The following CCDC7 variants were observed in gnomAD, a reference collection of about 807,000 sequenced individuals.
CCDC7 encodes coiled-coil domain-containing protein 7.
Under a neutral mutation model 196.9 loss-of-function variants are expected in CCDC7, and 183 were observed. The observed-to-expected ratio is 0.93, with a 90% CI of 0.82 to 1.05. The LOEUF (loss-of-function observed/expected upper bound fraction) is 1.05, where lower values mean the gene tolerates loss of function less well. Ranked by LOEUF, CCDC7 falls within the 50% of genes least tolerant of loss-of-function variation. The pLI, the probability that CCDC7 is intolerant of heterozygous loss-of-function variation, is 0.00. For missense variants in CCDC7, 1,540 were observed against 1,482.2 expected, an observed-to-expected ratio of 1.04 and a Z score of -0.64; for synonymous variants, 525 against 484.6, an observed-to-expected ratio of 1.08 and a Z score of -1.10.
At chr10:32,636,554 G>A (rs1310733022) in intron 20 of CCDC7, among the ~76,000 whole-genome samples, 4 of 152,170 alleles carry the variant, frequency 2.6e-5, no homozygotes, top group Non-Finnish European at 4.4e-5. Context: ...TAAAGGACAT[G>A]AACTCATCCT....
At chr10:32,610,178 C>T (rs2061953533) in intron 18 of CCDC7, among the ~76,000 whole-genome samples, 1 of 152,110 alleles carries the variant, frequency 6.6e-6, no homozygotes, top group African/African-American at 2.4e-5. Context: ...GATCTCGGCT[C>T]ACTGCAAGCT....
chr10:32,464,496 G>GTGTT (rs33997704), intron 5 of CCDC7, among the ~76,000 whole-genome samples: 58,465 of 151,356 alleles, frequency 0.39, 13,822 homozygotes, highest in Non-Finnish European at 0.54. Context: ...TCAAGACTTT[G>GTGTT]TGTTTGTTTG....
intron 9 of CCDC7, among the ~76,000 whole-genome samples, chr10:32,507,146 C>T (rs1039147268): frequency 6.6e-6 from 1 of 152,008 alleles, no homozygotes; most frequent in African/African-American, 2.4e-5. Context: ...GTGCGCGCCA[C>T]CACACCCAGC....
chr10:32,501,225 C>A (rs1374708786), intron 9 of CCDC7, among the ~76,000 whole-genome samples: 1 of 151,956 alleles, frequency 6.6e-6, no homozygotes, highest in Non-Finnish European at 1.5e-5. Flanking sequence ...TTTTTCAGCT[C>A]CATCAGGTCA....
intron 29 of CCDC7, among the ~76,000 whole-genome samples, chr10:32,788,677 A>G (rs2082231922): frequency 6.6e-6 from 1 of 152,114 alleles, no homozygotes; most frequent in African/African-American, 2.4e-5. Flanking sequence ...GCACCAATCC[A>G]TCTCCATGGA....
chr10:32,586,141 T>C (rs1216848054), intron 18 of CCDC7, among the ~76,000 whole-genome samples: 1 of 152,240 alleles, frequency 6.6e-6, no homozygotes, highest in East Asian at 1.9e-4. Context: ...ATGAGCTTTT[T>C]TCATATGTTT....
At chr10:32,474,836 T>C (rs764274498) in intron 8 of CCDC7, among the ~76,000 whole-genome samples, 12 of 152,304 alleles carry the variant, frequency 7.9e-5, no homozygotes, top group Non-Finnish European at 1.5e-4. Context: ...GAAATAATAG[T>C]GTAAAGCACA....
chr10:32,511,253 G>GT lies in CCDC7; in HGVS notation c.873-6691dup, dbSNP rs1233756645. On this transcript the variant is annotated intron_variant, in intron 9 of 41. Transcript: ENST00000639629. ...CCTTGTCCTGCCACAGAATTATTCT[G>GT]TGGGGGGCGGGGGGGGCGGGGAAAT... 3.3e-4 allele frequency: 229 copies of GT among 700,018 alleles called. 5 individuals are homozygous for GT. In the African/African-American group the frequency reaches 4.8e-3, roughly 15 times the overall value. 43.4% of individuals were successfully genotyped at this position (700,018 alleles called of 1,614,324 possible).
At chr10:32,544,518 C>A in intron 13 of CCDC7, 1 of 341,878 alleles carries the variant, frequency 2.9e-6, no homozygotes, top group Non-Finnish European at 5.3e-6. Context: ...AATGTCAAAC[C>A]CAGGCATATT....
At chr10:32,682,577 T>C (rs1363517091) in intron 21 of CCDC7, among the ~76,000 whole-genome samples, 2 of 152,196 alleles carry the variant, frequency 1.3e-5, no homozygotes, top group African/African-American at 4.8e-5. Context: ...CCAAACTGTT[T>C]TCCACAGTGG....
At chr10:32,461,597 T>G (rs1392820299) in intron 3 of CCDC7, among the ~76,000 whole-genome samples, 1 of 151,068 alleles carries the variant, frequency 6.6e-6, no homozygotes, top group Non-Finnish European at 1.5e-5. Flanking sequence ...AAGATAGTGT[T>G]GGGAAGGTGA....
chr10:32,710,420 T>C (rs1451100514), intron 24 of CCDC7, among the ~76,000 whole-genome samples: 1 of 152,216 alleles, frequency 6.6e-6, no homozygotes, highest in Non-Finnish European at 1.5e-5. Context: ...CAGGGGACAA[T>C]AGCAGTGGCC....
chr10:32,847,872 G>A (rs1412934598), exon 38 of CCDC7: 1 of 1,611,278 alleles, frequency 6.2e-7, no homozygotes, highest in African/African-American at 1.3e-5. Flanking sequence ...ATTGGTTCAA[G>A]TAAAACAATT....
intron 21 of CCDC7, among the ~76,000 whole-genome samples, chr10:32,685,459 A>G (rs11818059): frequency 6.6e-6 from 1 of 152,108 alleles, no homozygotes; most frequent in Admixed American, 6.6e-5. Context: ...TCTAGTGATA[A>G]GCAGAAAAGA....
intron 30 of CCDC7, among the ~76,000 whole-genome samples, chr10:32,809,576 CA>C (rs1284980214): frequency 6.6e-6 from 1 of 152,106 alleles, no homozygotes; most frequent in Non-Finnish European, 1.5e-5. Flanking sequence ...AGGATATGAA[CA>C]GACACTTTTT....
At chr10:32,609,541 C>T (rs2061877160) in intron 18 of CCDC7, among the ~76,000 whole-genome samples, 1 of 150,246 alleles carries the variant, frequency 6.7e-6, no homozygotes, top group East Asian at 2.0e-4. Flanking sequence ...TTCAGTTGGT[C>T]TATAGCTTTT....
chr10:32,625,328 A>G (rs1438243711), intron 18 of CCDC7, among the ~76,000 whole-genome samples: 2 of 151,672 alleles, frequency 1.3e-5, no homozygotes, highest in African/African-American at 2.4e-5. Context: ...GCCTCGGTTT[A>G]TTACTGGGCT....
At chr10:32,706,427 A>G (rs1024519832) in intron 24 of CCDC7, among the ~76,000 whole-genome samples, 1 of 152,128 alleles carries the variant, frequency 6.6e-6, no homozygotes, top group African/African-American at 2.4e-5. Context: ...AGCAAGAGCA[A>G]ACACATTCAA....
In CCDC7 at chr10:32,839,737, A is replaced by G. The variant is rs190165614; in HGVS notation, c.3352+4839A>G. Among the ~76,000 whole-genome samples the G allele has an allele frequency of 5.0e-4, 76 of 152,186 alleles. No individual in the cohort carries two copies. The East Asian group carries it at 5.2e-3, about 10-fold the overall frequency. ...CAGCACATGGAACATTCTCCAAGAT[A>G]GACCATATGACAGGCCACAAAACAA... is the stretch of plus-strand genomic sequence containing the variant. On this transcript the variant is annotated intron_variant, in intron 33 of 41. Coordinates refer to ENST00000639629, the Ensembl canonical transcript of CCDC7.
Sources: gnomAD v4.1 joint callset for allele counts (sites outside exome capture counted in the v4.1 genomes callset) on GRCh38, gnomAD v4.1.1 for gene constraint, MANE v1.5 for transcripts, NCBI Gene and HGNC (gene_info 2026-07-23, HGNC 2026-07-21) for gene names.